The following LUC7L2 variants were observed in gnomAD, a reference collection of about 807,000 sequenced individuals.
The protein encoded by LUC7L2 is putative RNA-binding protein Luc7-like 2.
Under a neutral mutation model 52.8 loss-of-function variants are expected in LUC7L2, and 25 were observed. That is an observed-to-expected ratio of 0.47 (90% confidence interval 0.34 to 0.66). LUC7L2 has a LOEUF of 0.66. Among genes scored for constraint, LUC7L2 ranks in the 30% least tolerant of loss-of-function variants. The pLI is 0.01. For synonymous variants in LUC7L2, 144 were observed against 160.9 expected (o/e 0.89, Z 0.80); for missense variants, 328 against 497.8 (o/e 0.66, Z 3.25).
intron 2 of LUC7L2, among the ~76,000 whole-genome samples, chr7:139,382,907 C>T (rs1341758394): frequency 6.6e-6 from 1 of 151,926 alleles, no homozygotes; most frequent in Non-Finnish European, 1.5e-5. Flanking sequence ...TACATACAAA[C>T]CCAAACTTTA....
chr7:139,378,713 A>G (rs1800840458), intron 2 of LUC7L2, among the ~76,000 whole-genome samples: 1 of 152,270 alleles, frequency 6.6e-6, no homozygotes, highest in Non-Finnish European at 1.5e-5. Context: ...TTTGTTCTTT[A>G]GGGATTGACT....
chr7:139,345,122 A>G (rs1799209953), intron 1 of LUC7L2: 1 of 175,480 alleles, frequency 5.7e-6, no homozygotes, highest in Admixed American at 5.9e-5. Context: ...GTTCTACATA[A>G]TATTCTTTAG....
intron 1 of LUC7L2, chr7:139,341,459 C>T (rs369452273): frequency 3.7e-6 from 6 of 1,613,636 alleles, no homozygotes; most frequent in Non-Finnish European, 4.2e-6. Flanking sequence ...GCGCGGCCAC[C>T]GGCCGACCCT....
intron 1 of LUC7L2, among the ~76,000 whole-genome samples, chr7:139,369,974 A>G (rs534469470): frequency 6.6e-6 from 1 of 152,338 alleles, no homozygotes; most frequent in Admixed American, 6.5e-5. Context: ...TTGATGTCAC[A>G]TTTGGAAGGC....
chr7:139,377,365 C>T (rs888065303), intron 2 of LUC7L2, among the ~76,000 whole-genome samples: 7 of 151,900 alleles, frequency 4.6e-5, no homozygotes, highest in Admixed American at 6.6e-5. Flanking sequence ...CCACCATGCC[C>T]GGCTAATTTT....
chr7:139,421,214 T>G (rs1249338989), intron 9 of LUC7L2, among the ~76,000 whole-genome samples: 3 of 152,250 alleles, frequency 2.0e-5, no homozygotes, highest in Admixed American at 6.5e-5. Context: ...AACTGAACAG[T>G]CATATTTTTT....
At chr7:139,360,431 C>T (rs1235830561) in intron 1 of LUC7L2, 109 bp downstream of exon 1, 2 of 1,008,530 alleles carry the variant, frequency 2.0e-6, no homozygotes, top group Non-Finnish European at 2.9e-6. Context: ...AAGGGGCTCC[C>T]AGATTGGTAA....
chr7:139,341,124 T>C (rs557225099), intron 1 of LUC7L2: 106 of 404,444 alleles, frequency 2.6e-4, no homozygotes, highest in African/African-American at 2.0e-3. Context: ...GAAAAGCCCC[T>C]GTTTCCCCAA....
chr7:139,420,162 C>G (rs188041629), intron 9 of LUC7L2, among the ~76,000 whole-genome samples: 1 of 152,168 alleles, frequency 6.6e-6, no homozygotes, highest in African/African-American at 2.4e-5. Context: ...TTAGTGCAGA[C>G]TCCAAAGTCA....
upstream of LUC7L2, among the ~76,000 whole-genome samples, chr7:139,355,625 TAAC>T (rs1163079808): frequency 1.3e-5 from 2 of 152,182 alleles, no homozygotes; most frequent in Non-Finnish European, 2.9e-5. Context: ...CTGATGGATT[TAAC>T]AACAAATTAG....
At chr7:139,341,665 C>G (rs890557520) in intron 1 of LUC7L2, 2 of 1,409,086 alleles carry the variant, frequency 1.4e-6, no homozygotes, top group Admixed American at 2.7e-5. Flanking sequence ...CCAAACCAAC[C>G]CAGGCCCTAG....
chr7:139,365,538 G>T (rs1569368987), intron 1 of LUC7L2, among the ~76,000 whole-genome samples: 1 of 152,096 alleles, frequency 6.6e-6, no homozygotes. Flanking sequence ...GTACTCTTCA[G>T]TAACAGGTGG....
intron 1 of LUC7L2, among the ~76,000 whole-genome samples, chr7:139,340,809 A>AT (rs532530723): frequency 2.8e-4 from 42 of 151,460 alleles, no homozygotes; most frequent in African/African-American, 8.2e-4. Context: ...CTTTCTAAAC[A>AT]AAGCGAAATA....
chr7:139,400,744 A>G (rs935470500), intron 3 of LUC7L2, among the ~76,000 whole-genome samples: 4 of 152,184 alleles, frequency 2.6e-5, no homozygotes, highest in African/African-American at 9.7e-5. Context: ...TGATTAGTCC[A>G]TCTTTTCTCT....
At chr7:139,412,824 TTAA>T in intron 8 of LUC7L2, 2 of 156,458 alleles carry the variant, frequency 1.3e-5, no homozygotes, top group Non-Finnish European at 1.1e-5. Flanking sequence ...GACTCTGTCT[TTAA>T]AAAAAAAAAA....
intron 1 of LUC7L2, among the ~76,000 whole-genome samples, chr7:139,353,328 T>C (rs1043231340): frequency 6.6e-6 from 1 of 152,238 alleles, no homozygotes; most frequent in East Asian, 1.9e-4. Flanking sequence ...AATTGAAGGG[T>C]TGTCTGTTCT....
upstream of LUC7L2, among the ~76,000 whole-genome samples, chr7:139,358,161 C>T (rs1388953268): frequency 2.6e-5 from 4 of 152,008 alleles, no homozygotes; most frequent in Non-Finnish European, 1.5e-5. Flanking sequence ...CACGCGCATC[C>T]ATGCCCGGCT....
At chr7:139,350,752 T>G (rs1424191970) in intron 1 of LUC7L2, among the ~76,000 whole-genome samples, 1 of 151,678 alleles carries the variant, frequency 6.6e-6, no homozygotes, top group Non-Finnish European at 1.5e-5. Context: ...CTTGGCTCAC[T>G]GCAACCTCTG....
chr7:139,375,189 G>A, intron 1 of LUC7L2: 1 of 983,886 alleles, frequency 1.0e-6, no homozygotes, highest in Non-Finnish European at 1.2e-6. Context: ...TTTTGTTATT[G>A]GAGCTAGTTA....
Sources: gnomAD v4.1 joint callset for allele counts (sites outside exome capture counted in the v4.1 genomes callset) on GRCh38, gnomAD v4.1.1 for gene constraint, MANE v1.5 for transcripts, NCBI Gene and HGNC (gene_info 2026-07-23, HGNC 2026-07-21) for gene names.